The following TUB variants were observed in gnomAD, a reference collection of about 807,000 sequenced individuals.
TUB encodes the protein TUB bipartite transcription factor, also known as tubby protein homolog.
A neutral mutation model predicts 59.7 loss-of-function variants in TUB; 33 were observed. That is an observed-to-expected ratio of 0.55 (90% CI 0.42 to 0.74). TUB has a LOEUF of 0.74. Among genes scored for constraint, TUB ranks in the 30% least tolerant of loss-of-function variants. TUB has a pLI of 0.00. For synonymous variants in TUB, 293 were observed against 256.4 expected (o/e 1.14, Z -1.36); for missense variants, 659 against 672.0 (o/e 0.98, Z 0.21).
chr11:8,053,984 C>G (rs1430490614), intron 2 of TUB, among the ~76,000 whole-genome samples: 1 of 151,650 alleles, frequency 6.6e-6, no homozygotes, highest in African/African-American at 2.4e-5. Context: ...GACGTGGTGG[C>G]GGGCCCTGTA....
At chr11:8,083,087 G>C (rs1943600739) in intron 1 of TUB, among the ~76,000 whole-genome samples, 2 of 152,236 alleles carry the variant, frequency 1.3e-5, no homozygotes, top group African/African-American at 4.8e-5. Context: ...GTTTCTGGAG[G>C]ATCCTGGCCT....
chr11:8,039,758 A>G (rs1318033893), intron 2 of TUB: 1 of 1,372,688 alleles, frequency 7.3e-7, no homozygotes. Flanking sequence ...ACTGTGAGGG[A>G]GGTGGGCGGA....
chr11:8,023,881 T>C (rs1406579447), intron 1 of TUB, among the ~76,000 whole-genome samples: 1 of 152,248 alleles, frequency 6.6e-6, no homozygotes, highest in African/African-American at 2.4e-5. Flanking sequence ...TCAGTCGTTA[T>C]CCTCAAAGGC....
At chr11:8,100,668 A>G in intron 10 of TUB, 67 bp downstream of exon 10, 5 of 1,560,494 alleles carry the variant, frequency 3.2e-6, no homozygotes, top group Admixed American at 1.7e-5. Flanking sequence ...TTCTAAGGGC[A>G]GAACTCCAGC....
At chr11:8,081,846 C>T (rs892950442) in intron 1 of TUB, among the ~76,000 whole-genome samples, 1 of 152,222 alleles carries the variant, frequency 6.6e-6, no homozygotes, top group African/African-American at 2.4e-5. Context: ...CTCTGAGCCC[C>T]CTCCTAGGCC....
chr11:8,041,758 C>T (rs1942754610), intron 2 of TUB, among the ~76,000 whole-genome samples: 1 of 152,312 alleles, frequency 6.6e-6, no homozygotes, highest in Admixed American at 6.5e-5. Context: ...CCACCATTCA[C>T]CACCTGGCCT....
At chr11:8,028,890 T>C (rs140490756) in intron 1 of TUB, among the ~76,000 whole-genome samples, 1 of 152,294 alleles carries the variant, frequency 6.6e-6, no homozygotes, top group East Asian at 1.9e-4. Flanking sequence ...CACATGCCTA[T>C]AGTACCAGCT....
chr11:8,087,430 G>A (rs887983444), intron 1 of TUB, among the ~76,000 whole-genome samples: 5 of 152,230 alleles, frequency 3.3e-5, no homozygotes, highest in African/African-American at 1.2e-4. Context: ...CCTCCTGCTG[G>A]CACAAAGGGA....
intron 1 of TUB, among the ~76,000 whole-genome samples, chr11:8,086,965 CTT>C (rs1943681040): frequency 6.6e-6 from 1 of 152,192 alleles, no homozygotes; most frequent in African/African-American, 2.4e-5. Context: ...GCCTGTGGCT[CTT>C]TATCATTCTC....
intron 1 of TUB, among the ~76,000 whole-genome samples, chr11:8,032,104 C>G (rs925827548): frequency 6.6e-6 from 1 of 151,718 alleles, no homozygotes; most frequent in Admixed American, 6.6e-5. Context: ...GTGAGTGTCC[C>G]GCCTGGGGAA....
chr11:8,100,996 C>T lies in TUB; in HGVS notation c.1386C>T (p.Asp462=), dbSNP rs151125191. Residue 462 remains aspartate, a splice_region_variant and synonymous_variant, in exon 11 of 12, where the codon GAC becomes GAT. Coordinates refer to ENST00000299506, the MANE Select transcript of TUB (RefSeq NM_177972.3). ...ACTTCCAGATCATCCATGGCAATGA[C>T]CGTGAGTGTTTCTGTCCCTACTCAT... ...VKNFQIIHGN[D]PDYIVMQFGR... is the part of the protein sequence containing the mutation. 653 of 1,614,148 alleles carry T rather than the reference C, an allele frequency of 4.0e-4. 1 individual carries two copies. The Middle Eastern group carries it at 4.9e-3, about 12-fold the overall frequency.
intron 1 of TUB, among the ~76,000 whole-genome samples, chr11:8,033,368 C>T (rs990141509): frequency 7.2e-5 from 11 of 152,212 alleles, no homozygotes; most frequent in African/African-American, 1.2e-4. Flanking sequence ...TCTAGGTGTC[C>T]GCCCCAGTTT....
At chr11:8,028,960 C>T (rs1942534817) in intron 1 of TUB, among the ~76,000 whole-genome samples, 1 of 152,100 alleles carries the variant, frequency 6.6e-6, no homozygotes, top group Admixed American at 6.6e-5. Context: ...TGCAGTGAAC[C>T]GTGATCACAC....
chr11:8,094,495 C>T (rs1943896240), intron 4 of TUB, among the ~76,000 whole-genome samples: 1 of 152,206 alleles, frequency 6.6e-6, no homozygotes, highest in Admixed American at 6.5e-5. Context: ...TATCATGACC[C>T]CTCAAGGAGG....
At chr11:8,045,342 T>G (rs1347442706) in intron 2 of TUB, among the ~76,000 whole-genome samples, 1 of 152,238 alleles carries the variant, frequency 6.6e-6, no homozygotes, top group African/African-American at 2.4e-5. Context: ...ATATATTTCT[T>G]CTTGTGTGCA....
intron 1 of TUB, among the ~76,000 whole-genome samples, chr11:8,025,324 C>T (rs1170407949): frequency 1.3e-5 from 2 of 152,012 alleles, no homozygotes; most frequent in African/African-American, 4.8e-5. Flanking sequence ...CATCCAAGAG[C>T]TGAAAGAGGC....
At chr11:8,041,229 G>A (rs917571735) in intron 2 of TUB, among the ~76,000 whole-genome samples, 6 of 152,134 alleles carry the variant, frequency 3.9e-5, no homozygotes, top group East Asian at 1.9e-4. Flanking sequence ...TCTACTTCAC[G>A]TTGAATGGCT....
At chr11:8,058,837 G>A (rs1484970949) in intron 2 of TUB, among the ~76,000 whole-genome samples, 1 of 151,208 alleles carries the variant, frequency 6.6e-6, no homozygotes, top group Admixed American at 6.6e-5. Context: ...GTTGATTTCT[G>A]GGACAGTCAT....
intron 1 of TUB, among the ~76,000 whole-genome samples, chr11:8,023,809 C>G (rs1942464394): frequency 6.6e-6 from 1 of 152,198 alleles, no homozygotes; most frequent in Non-Finnish European, 1.5e-5. Context: ...AAGTGGGTAT[C>G]ATGAAGTCCA....
Sources: gnomAD v4.1 joint callset for allele counts (sites outside exome capture counted in the v4.1 genomes callset) on GRCh38, gnomAD v4.1.1 for gene constraint, MANE v1.5 for transcripts, NCBI Gene and HGNC (gene_info 2026-07-23, HGNC 2026-07-21) for gene names.